ZNF618: variants seen among roughly 807,000 people sequenced by gnomAD.
ZNF618 encodes the protein neural precursor cell expressed, developmentally down-regulated 10.
ZNF618 carries 34 observed loss-of-function variants against 103.0 expected under a neutral mutation model. The observed-to-expected ratio is 0.33, with a 90% CI of 0.25 to 0.44. The LOEUF is 0.44. Among genes scored for constraint, ZNF618 ranks in the 20% least tolerant of loss-of-function variants. ZNF618 has a pLI of 1.00. For synonymous variants in ZNF618, 551 were observed against 542.2 expected (o/e 1.02, Z -0.23); for missense variants, 1,059 against 1,295.4 (o/e 0.82, Z 2.80).
At chr9:114,001,278 TG>T (rs1331470652) in intron 4 of ZNF618, among the ~76,000 whole-genome samples, 2 of 149,508 alleles carry the variant, frequency 1.3e-5, no homozygotes, top group African/African-American at 2.5e-5. Flanking sequence ...GGCAAGGGGC[TG>T]GGGGGGCCAG....
intron 1 of ZNF618, among the ~76,000 whole-genome samples, chr9:113,930,150 G>A (rs974893476): frequency 3.3e-5 from 5 of 152,178 alleles, no homozygotes; most frequent in Non-Finnish European, 5.9e-5. Context: ...AGGTTCTGAA[G>A]CCAAAACATG....
chr9:113,969,302 C>A, intron 2 of ZNF618, 142 bp downstream of exon 2: 1 of 1,018,388 alleles, frequency 9.8e-7, no homozygotes, highest in Non-Finnish European at 1.5e-6. Flanking sequence ...AGTATCCAGA[C>A]TTCCCCAAAG....
At chr9:114,042,547 G>A (rs1196638177) in intron 13 of ZNF618, among the ~76,000 whole-genome samples, 1 of 152,152 alleles carries the variant, frequency 6.6e-6, no homozygotes, top group Non-Finnish European at 1.5e-5. Flanking sequence ...AAAAAATTTA[G>A]AGCAGGTGCA....
chr9:113,904,384 C>T (rs1264226835), intron 1 of ZNF618, among the ~76,000 whole-genome samples: 1 of 152,050 alleles, frequency 6.6e-6, no homozygotes, highest in Admixed American at 6.5e-5. Context: ...TAAAGTCTAT[C>T]ATATGTCATT....
At chr9:113,951,458 T>TACATATATATGAGTATATATGTAC (rs1564207159) in intron 1 of ZNF618, among the ~76,000 whole-genome samples, 1 of 54,660 alleles carries the variant, frequency 1.8e-5, no homozygotes, top group Non-Finnish European at 4.0e-5. Context: ...TGTGTATATA[T>TACATATATATGAGTATATATGTAC]ACATATATGT....
chr9:113,944,928 C>T (rs1834874151), intron 1 of ZNF618, among the ~76,000 whole-genome samples: 1 of 152,180 alleles, frequency 6.6e-6, no homozygotes. Context: ...GACAGTGTGG[C>T]TGTAACAGAT....
chr9:113,903,201 A>G (rs1830703315), intron 1 of ZNF618, among the ~76,000 whole-genome samples: 1 of 152,216 alleles, frequency 6.6e-6, no homozygotes, highest in African/African-American at 2.4e-5. Context: ...TGCATGAGCG[A>G]ATACATGTTC....
At chr9:113,900,688 G>C (rs113602480) in intron 1 of ZNF618, among the ~76,000 whole-genome samples, 1,915 of 53,390 alleles carry the variant, frequency 0.036, no homozygotes, top group Middle Eastern at 0.066. Context: ...AACCCGACCT[G>C]CTGTCTCCTA....
At chr9:114,011,074 G>A (rs1191967729) in intron 9 of ZNF618, among the ~76,000 whole-genome samples, 1 of 152,076 alleles carries the variant, frequency 6.6e-6, no homozygotes, top group African/African-American at 2.4e-5. Flanking sequence ...CTGAGAAAGA[G>A]TCAAGGGCAA....
At chr9:114,031,806 T>C (rs1231668452) in intron 11 of ZNF618, among the ~76,000 whole-genome samples, 1 of 151,858 alleles carries the variant, frequency 6.6e-6, no homozygotes, top group Non-Finnish European at 1.5e-5. Context: ...TTCCCTGAGG[T>C]CTTTATCTCT....
chr9:113,992,346 C>A (rs562260384), intron 3 of ZNF618, among the ~76,000 whole-genome samples: 1 of 152,284 alleles, frequency 6.6e-6, no homozygotes, highest in South Asian at 2.1e-4. Flanking sequence ...GTGACATTTT[C>A]TTTCGTGTTA....
chr9:113,894,183 GAT>G (rs1390481092), intron 1 of ZNF618, among the ~76,000 whole-genome samples: 1 of 152,092 alleles, frequency 6.6e-6, no homozygotes, highest in Non-Finnish European at 1.5e-5. Context: ...CATTTATGCT[GAT>G]AGTTTGTATT....
chr9:113,880,576 A>T (rs1417049787), intron 1 of ZNF618, among the ~76,000 whole-genome samples: 1 of 152,210 alleles, frequency 6.6e-6, no homozygotes. Flanking sequence ...CTTAGTTACC[A>T]TTCCCAGGCG....
intron 11 of ZNF618, among the ~76,000 whole-genome samples, chr9:114,031,500 C>T (rs913995304): frequency 4.5e-4 from 69 of 152,186 alleles, no homozygotes; most frequent in African/African-American, 1.5e-3. Flanking sequence ...CATGACCATC[C>T]GCAACCCTGG....
chr9:113,951,501 A>ACACATATGTGTGTGTGTGTG, intron 1 of ZNF618, among the ~76,000 whole-genome samples: 1 of 70,858 alleles, frequency 1.4e-5, no homozygotes, highest in Admixed American at 1.7e-4. Context: ...GTGTATGTGT[A>ACACATATGTGTGTGTGTGTG]CACATATATG....
chr9:114,033,386 A>AG, intron 12 of ZNF618, among the ~76,000 whole-genome samples: 1 of 122,460 alleles, frequency 8.2e-6, no homozygotes, highest in Admixed American at 7.7e-5. Flanking sequence ...ACTCTGTCTC[A>AG]AAAAGAGAGA....
chr9:114,039,207 G>A (rs747561439), intron 13 of ZNF618, among the ~76,000 whole-genome samples: 4 of 152,146 alleles, frequency 2.6e-5, no homozygotes, highest in South Asian at 4.2e-4. Context: ...TTCAGCCTCC[G>A]CGTTAAAGTA....
chr9:114,036,161 C>T, intron 12 of ZNF618, 139 bp from the exon 13 acceptor site: 1 of 699,982 alleles, frequency 1.4e-6, no homozygotes, highest in East Asian at 2.7e-5. Context: ...ACGGGGGAGG[C>T]AGGCAGGCTG....
At chr9:113,945,585 A>G (rs758110012) in intron 1 of ZNF618, among the ~76,000 whole-genome samples, 39 of 152,216 alleles carry the variant, frequency 2.6e-4, no homozygotes, top group Non-Finnish European at 5.3e-4. Flanking sequence ...AGTCTTGTAG[A>G]GTAATCTGGG....
Sources: allele counts gnomAD v4.1 joint callset (sites outside exome capture counted in the v4.1 genomes callset), GRCh38; gene constraint gnomAD v4.1.1; transcripts MANE v1.5; gene names NCBI Gene and HGNC (gene_info 2026-07-23, HGNC 2026-07-21).